The following HDAC4 variants were observed in gnomAD, a reference collection of about 807,000 sequenced individuals.
HDAC4 encodes the protein histone deacetylase A.
A neutral mutation model predicts 135.1 loss-of-function variants in HDAC4; 16 were observed. The ratio of observed to expected loss-of-function variants is 0.12; its 90% CI spans 0.08 to 0.18. The LOEUF is 0.18. Ranked by LOEUF, HDAC4 falls within the 10% of genes least tolerant of loss-of-function variation. The pLI, the probability that HDAC4 is intolerant of heterozygous loss-of-function variation, is 1.00. For synonymous variants in HDAC4, 685 were observed against 653.4 expected, an observed-to-expected ratio of 1.05 and a Z score of -0.74; for missense variants, 1,143 against 1,511.8, an observed-to-expected ratio of 0.76 and a Z score of 4.05.
intron 2 of HDAC4, among the ~76,000 whole-genome samples, chr2:239,327,314 G>A (rs1166846021): frequency 2.0e-5 from 3 of 152,174 alleles, no homozygotes; most frequent in South Asian, 2.1e-4. Flanking sequence ...GCCGGGGCCC[G>A]ATGAACGTTC....
At chr2:239,102,719 A>G in intron 16 of HDAC4, 57 bp downstream of exon 16, 1 of 1,607,044 alleles carries the variant, frequency 6.2e-7, no homozygotes, top group Non-Finnish European at 8.5e-7. Context: ...AGAGCTGGAA[A>G]CACAACCTCA....
At position 239,285,339 on chromosome 2, in the gene HDAC4, A is replaced by G. The variant is rs142170163; in HGVS notation, c.23-48675T>C. Among the ~76,000 whole-genome samples, 1,462 of 152,264 alleles carry G rather than the reference A, an allele frequency of 9.6e-3. 11 individuals are homozygous for G. Among genetic ancestry groups the G allele is most frequent in the Non-Finnish European group, 0.016 (1,069 of 68,020 alleles). On this transcript the variant is annotated intron_variant, in intron 2 of 26. Coordinates refer to ENST00000543185, the MANE Select transcript of HDAC4 (RefSeq NM_001378414.1). This position sits in a 1 kb window ranked among gnomAD's most constrained non-coding sequence, Gnocchi z 4.5. Reference sequence around the variant, plus strand: ...TGGGCCCCCAAGTTCGCGGCTGTGCAGCGTGGCCAGAATGCTGAGCCGGTG... The same window carrying G: ...TGGGCCCCCAAGTTCGCGGCTGTGCGGCGTGGCCAGAATGCTGAGCCGGTG...
chr2:239,233,049 T>C (rs1255505394), intron 3 of HDAC4, among the ~76,000 whole-genome samples: 1 of 152,262 alleles, frequency 6.6e-6, no homozygotes, highest in Non-Finnish European at 1.5e-5. Flanking sequence ...ATTCCACTTA[T>C]TCAAAACGCA....
chr2:239,396,638 T>C (rs1696580150), intron 1 of HDAC4, among the ~76,000 whole-genome samples: 1 of 152,232 alleles, frequency 6.6e-6, no homozygotes, highest in Non-Finnish European at 1.5e-5. Context: ...TATTGACTGT[T>C]AAGCTTACAC....
intron 1 of HDAC4, among the ~76,000 whole-genome samples, chr2:239,363,859 C>T (rs1462283714): frequency 6.6e-6 from 1 of 152,154 alleles, no homozygotes; most frequent in Non-Finnish European, 1.5e-5. Flanking sequence ...ATAAATAATT[C>T]TTACAAATCA....
chr2:239,226,623 A>T (rs191984020), intron 3 of HDAC4, among the ~76,000 whole-genome samples: 275 of 152,184 alleles, frequency 1.8e-3, no homozygotes, highest in Middle Eastern at 3.4e-3. Context: ...AGCTCTTCAG[A>T]AATCTTTGGG....
intron 2 of HDAC4, among the ~76,000 whole-genome samples, chr2:239,329,709 A>G (rs1691429377): frequency 6.6e-6 from 1 of 152,216 alleles, no homozygotes; most frequent in African/African-American, 2.4e-5. Flanking sequence ...ACCTTGCCAG[A>G]CACTCAGGGC....
chr2:239,190,122 C>A, intron 3 of HDAC4, 45 bp from the exon 4 acceptor site: 2 of 1,568,164 alleles, frequency 1.3e-6, no homozygotes, highest in South Asian at 1.1e-5. Context: ...CCGCCCTTTG[C>A]TGTCCCTGGG....
intron 2 of HDAC4, among the ~76,000 whole-genome samples, chr2:239,317,739 T>C (rs4851970): frequency 0.18 from 26,768 of 152,148 alleles, 2,627 homozygotes; most frequent in East Asian, 0.33. Context: ...ACATTTCACG[T>C]TGTCCACAGG....
At position 239,167,923 on chromosome 2, in the gene HDAC4, G is replaced by A. The variant is rs982725515; in HGVS notation, c.491-4000C>T. 2.7e-5 allele frequency among the ~76,000 whole-genome samples: 4 copies of A among 150,346 alleles called. No individual in the cohort carries two copies. The highest frequency in any genetic ancestry group is 4.9e-5 in the African/African-American group (2 of 40,656). On this transcript the variant is annotated intron_variant, in intron 5 of 26. Transcript: ENST00000543185. This position sits in a 1 kb window ranked among gnomAD's most constrained non-coding sequence, Gnocchi z 4.1. ...AGGAATGAGCGAGCAACAGCTGAGC[G>A]GGGCAGAGAGAGGAGGACAGCAGCT...
chr2:239,216,211 CATAG>C (rs1458683996), intron 3 of HDAC4, among the ~76,000 whole-genome samples: 6 of 151,604 alleles, frequency 4.0e-5, no homozygotes, highest in Admixed American at 3.9e-4. Context: ...CACACACACA[CATAG>C]ATATTCACAC....
At chr2:239,393,346 C>T (rs900163840) in intron 1 of HDAC4, among the ~76,000 whole-genome samples, 1 of 152,170 alleles carries the variant, frequency 6.6e-6, no homozygotes, top group Non-Finnish European at 1.5e-5. Flanking sequence ...CACCAGTGCA[C>T]AAAATAGAAA....
chr2:239,103,954 C>T (rs1035762293), intron 15 of HDAC4, among the ~76,000 whole-genome samples: 1 of 152,276 alleles, frequency 6.6e-6, no homozygotes, highest in South Asian at 2.1e-4. Context: ...GTGCGCTGGG[C>T]AGGGACGGAT....
intron 2 of HDAC4, among the ~76,000 whole-genome samples, chr2:239,253,098 C>T (rs571558640): frequency 3.3e-5 from 5 of 152,374 alleles, no homozygotes; most frequent in Non-Finnish European, 7.3e-5. Context: ...GACATATTTT[C>T]ATCTTCTCCT....
chr2:239,152,704 T>C (rs115073460), intron 7 of HDAC4, among the ~76,000 whole-genome samples: 1,832 of 152,318 alleles, frequency 0.012, 20 homozygotes, highest in Middle Eastern at 0.054. Flanking sequence ...GTTCCCATCC[T>C]TGTGGTCCTT....
chr2:239,361,251 C>A (rs944323279), intron 1 of HDAC4, among the ~76,000 whole-genome samples: 1 of 152,208 alleles, frequency 6.6e-6, no homozygotes, highest in Non-Finnish European at 1.5e-5. Context: ...TTTTTAAGGT[C>A]TTCCTGGATT....
chr2:239,137,815 C>T (rs1371953488), intron 9 of HDAC4, among the ~76,000 whole-genome samples: 3 of 152,324 alleles, frequency 2.0e-5, no homozygotes, highest in South Asian at 2.1e-4. Flanking sequence ...AAAGGCTGCC[C>T]GTGCCCACTC....
chr2:239,324,535 C>T (rs1235254023), intron 2 of HDAC4, among the ~76,000 whole-genome samples: 1 of 152,230 alleles, frequency 6.6e-6, no homozygotes, highest in East Asian at 1.9e-4. Flanking sequence ...GCTTCCTGCT[C>T]AGCAGCCCAC....
intron 2 of HDAC4, among the ~76,000 whole-genome samples, chr2:239,287,742 C>G (rs2051218366): frequency 1.3e-5 from 2 of 152,078 alleles, no homozygotes; most frequent in Admixed American, 6.5e-5. Context: ...ACGATTAATA[C>G]AGATTAATCA....
Sources: allele counts gnomAD v4.1 joint callset (sites outside exome capture counted in the v4.1 genomes callset), GRCh38; gene constraint gnomAD v4.1.1; non-coding constraint Gnocchi (gnomAD v3.1); transcripts MANE v1.5; gene names NCBI Gene and HGNC (gene_info 2026-07-23, HGNC 2026-07-21).